MOV10L1: variants seen among roughly 807,000 people sequenced by gnomAD.
MOV10L1 encodes the protein Mov10 like RNA helicase 1.
In MOV10L1, 110 loss-of-function variants were observed where a neutral mutation model predicts 143.8. The ratio of observed to expected loss-of-function variants is 0.76; its 90% CI spans 0.66 to 0.90. MOV10L1 has a LOEUF of 0.90. MOV10L1 is among the 40% of genes least tolerant of loss of function. The probability of loss-of-function intolerance (pLI) is 0.00; values close to 1 mark genes in which losing one functional copy is unlikely to be tolerated. For missense variants in MOV10L1, 1,406 were observed against 1,526.8 expected, an observed-to-expected ratio of 0.92 and a Z score of 1.32; for synonymous variants, 593 against 581.1, an observed-to-expected ratio of 1.02 and a Z score of -0.29.
intron 19 of MOV10L1, chr22:50,147,243 G>GCCCCACAGGGTTAGTTGGCCA (rs2063179463): frequency 1.6e-6 from 1 of 610,592 alleles, no homozygotes; most frequent in Non-Finnish European, 2.9e-6. Context: ...TCTCTCAGAG[G>GCCCCACAGGGTTAGTTGGCCA]CGCTCTGTGC....
rs2062113689 is a variant in MOV10L1, at chr22:50,114,516, G to GC, written c.1020_1021insC (p.Glu341ArgfsTer6). ...TATCTTTTGTTTCTGTTCCTGAGAA[G>GC]GAGAATTCATCAGATGAAAATATTA... On this transcript the variant is annotated frameshift_variant, in exon 7 of 27. Transcript: ENST00000262794. LOFTEE classifies it high-confidence loss of function. The GC allele has an allele frequency of 1.2e-6, 2 of 1,614,014 alleles. No homozygotes were observed. Among genetic ancestry groups the GC allele is most frequent in the South Asian group, 2.2e-5 (2 of 91,092 alleles).
chr22:50,120,194 A>G (rs2062299831), intron 9 of MOV10L1, among the ~76,000 whole-genome samples: 1 of 152,204 alleles, frequency 6.6e-6, no homozygotes, highest in Non-Finnish European at 1.5e-5. Flanking sequence ...TGTTAAAAAC[A>G]GCTGTTTCCA....
intron 18 of MOV10L1, among the ~76,000 whole-genome samples, chr22:50,145,400 C>T (rs1471482504): frequency 2.0e-5 from 3 of 152,070 alleles, no homozygotes; most frequent in East Asian, 1.9e-4. Flanking sequence ...CCAGCCTGGG[C>T]GACAGAGCAA....
intron 22 of MOV10L1, 94 bp downstream of exon 22, chr22:50,153,312 G>A: frequency 7.2e-7 from 1 of 1,395,760 alleles, no homozygotes; most frequent in Non-Finnish European, 9.8e-7. Flanking sequence ...TCACCTGCCT[G>A]TGGCGGGGCA....
At position 50,090,124 on chromosome 22, in the gene MOV10L1, C is replaced by T. The variant is rs758258119; in HGVS notation, c.36C>T (p.Phe12=). ...LSLAAKLVAF[F]WRTADTPREE... ...TCGCAGCCAAGCTGGTGGCCTTCTT[C>T]TGGAGGACGGCGGACACCCCTAGGG... is the stretch of plus-strand genomic sequence containing the variant. Residue 12 remains phenylalanine, a synonymous_variant, in exon 1 of 27, where the codon TTC becomes TTT. Coordinates refer to ENST00000262794, the MANE Select transcript of MOV10L1 (RefSeq NM_018995.3). 22 of 1,373,958 alleles carry T rather than the reference C, an allele frequency of 1.6e-5. No homozygotes were observed. Among genetic ancestry groups the T allele is most frequent in the Non-Finnish European group, 1.9e-5 (20 of 1,064,200 alleles). The allele number at this position is 1,373,958 out of a possible 1,614,324, so 85.1% of individuals were successfully genotyped here.
Position 50,161,378 on chromosome 22 carries a change from G to A in MOV10L1, c.3565G>A (p.Gly1189Arg), listed in dbSNP as rs1323478542. 4 of 1,598,368 alleles carry A rather than the reference G, an allele frequency of 2.5e-6. No individual in the cohort carries two copies. The highest frequency in any genetic ancestry group is 3.4e-6 in the Non-Finnish European group (4 of 1,172,772). ...ALQSLQNCGE[G>R]VADPSYPVVP... ...CTCCTCTGTCTACAGCTGTGGCGAGGGGGTGGCAGACCCCTCCTACCCAGT... is the reference window on the plus strand; with the variant it reads ...CTCCTCTGTCTACAGCTGTGGCGAGAGGGTGGCAGACCCCTCCTACCCAGT... The change falls in exon 27 of 27, where the codon GGG (glycine) becomes AGG (arginine). Residue 1189 changes from glycine (G) to arginine (R), a missense_variant. Physicochemically the swap from Gly to Arg is moderately radical, Grantham distance 125 (BLOSUM62 -2). Coordinates refer to ENST00000262794, the MANE Select transcript of MOV10L1 (RefSeq NM_018995.3).
In MOV10L1 at chr22:50,151,033, A is replaced by G. The variant is rs1370176192; in HGVS notation, c.2892+134A>G. On this transcript the variant is annotated intron_variant, in intron 21 of 26. Transcript: ENST00000262794. The stretch of plus-strand genomic sequence containing the variant: ...CAGAGTGCAGGGGAGCACCCACCAT[A>G]GCACCTCCCCCGTCAGCAGAAACTG... The G allele has an allele frequency of 3.6e-6, 4 of 1,099,792 alleles. No individual in the cohort carries two copies. In the Admixed American group the frequency reaches 9.0e-5, roughly 25 times the overall value. 68.1% of individuals were successfully genotyped at this position (1,099,792 alleles called of 1,614,324 possible).
Position 50,128,635 on chromosome 22 carries a change from C to G in MOV10L1, c.1910+128C>G, listed in dbSNP as rs6010140. ...TCTCGGCTCACTGCAACCTCCGCCT[C>G]CCAGGTTCAAGCGATTCTCCTGCCT... On this transcript the variant is annotated intron_variant, in intron 13 of 26. Coordinates refer to ENST00000262794, the MANE Select transcript of MOV10L1 (RefSeq NM_018995.3). 98 of 589,518 alleles carry G rather than the reference C, an allele frequency of 1.7e-4. No homozygotes were observed. In the African/African-American group the frequency reaches 1.8e-3, roughly 11 times the overall value. The allele number at this position is 589,518 out of a possible 1,614,324, so 36.5% of individuals were successfully genotyped here.
chr22:50,137,856 A>T (rs1291598445), intron 15 of MOV10L1, among the ~76,000 whole-genome samples: 1 of 147,232 alleles, frequency 6.8e-6, no homozygotes, highest in Non-Finnish European at 1.5e-5. Flanking sequence ...ATAAATATAC[A>T]TATTTTTATA....
intron 6 of MOV10L1, 62 bp downstream of exon 6, chr22:50,113,850 A>AATAAT (rs1222863305): frequency 2.9e-6 from 4 of 1,361,904 alleles, no homozygotes; most frequent in Non-Finnish European, 3.8e-6. Flanking sequence ...ACTATGACTC[A>AATAAT]ATAATTTCTG....
At chr22:50,117,502 T>C in intron 9 of MOV10L1, 151 bp downstream of exon 9, 2 of 808,542 alleles carry the variant, frequency 2.5e-6, no homozygotes, top group Non-Finnish European at 3.8e-6. Context: ...ATGATTGTAT[T>C]TGGGGGATGG....
At chr22:50,134,917 A>T (rs1046756793) in intron 15 of MOV10L1, among the ~76,000 whole-genome samples, 5 of 152,266 alleles carry the variant, frequency 3.3e-5, no homozygotes, top group Admixed American at 6.5e-5. Flanking sequence ...AAGGGCTAAG[A>T]TGCAGGGCTA....
chr22:50,092,118 A>C lies in MOV10L1; in HGVS notation c.215A>C (p.Asn72Thr). The change falls in exon 2 of 27, where the codon AAT (asparagine) becomes ACT (threonine). Residue 72 changes from asparagine to threonine, a missense_variant. By Grantham distance (65) the Asn-to-Thr change is moderately conservative. Transcript: ENST00000262794. ...GCTGTGACTAGCAGAGTGCTTCTGAATGTTGGACAGGAAGTGATTGCAGTT... is the reference window on the plus strand; with the variant it reads ...GCTGTGACTAGCAGAGTGCTTCTGACTGTTGGACAGGAAGTGATTGCAGTT... ...SDAVTSRVLLNVGQEVIAVVE... is the reference protein window; with the variant it reads ...SDAVTSRVLLTVGQEVIAVVE... 1 of 1,614,216 alleles carries C rather than the reference A, an allele frequency of 6.2e-7. No individual in the cohort carries two copies. Among genetic ancestry groups the C allele is most frequent in the Middle Eastern group, 1.6e-4 (1 of 6,062 alleles).
intron 15 of MOV10L1, among the ~76,000 whole-genome samples, chr22:50,141,513 T>C (rs1375696106): frequency 3.4e-5 from 5 of 148,732 alleles, no homozygotes; most frequent in Middle Eastern, 3.4e-3. Context: ...TTTTTTTTTG[T>C]ATTTTTGCTA....
At chr22:50,101,943 A>C (rs1413726882) in intron 3 of MOV10L1, among the ~76,000 whole-genome samples, 2 of 152,218 alleles carry the variant, frequency 1.3e-5, no homozygotes, top group Non-Finnish European at 2.9e-5. Flanking sequence ...GAGGCCCCTC[A>C]ACCCTGCTAA....
intron 17 of MOV10L1, 22 bp downstream of exon 17, chr22:50,143,243 G>T (rs1288059636): frequency 1.9e-6 from 3 of 1,611,970 alleles, no homozygotes; most frequent in Non-Finnish European, 2.5e-6. Context: ...GGCGCCGCGG[G>T]TGCTGTGGCT....
chr22:50,137,843 T>TATATAAATATACATATTTTATATATATAC (rs2062873516), intron 15 of MOV10L1, among the ~76,000 whole-genome samples: 13 of 133,392 alleles, frequency 9.7e-5, no homozygotes, highest in Non-Finnish European at 1.7e-4. Flanking sequence ...TATATATACA[T>TATATAAATATACATATTTTATATATATAC]ATATAAATAT....
At chr22:50,131,093 T>C (rs1421040531) in intron 13 of MOV10L1, among the ~76,000 whole-genome samples, 1 of 146,820 alleles carries the variant, frequency 6.8e-6, no homozygotes, top group Non-Finnish European at 1.5e-5. Flanking sequence ...GTATTTTTAG[T>C]GAGACGGGGT....
At chr22:50,127,932 C>T (rs2062558715) in intron 12 of MOV10L1, among the ~76,000 whole-genome samples, 5 of 152,122 alleles carry the variant, frequency 3.3e-5, no homozygotes, top group Non-Finnish European at 7.4e-5. Flanking sequence ...AGCACCACGC[C>T]TGGGTCCTTT....
Sources: allele counts gnomAD v4.1 joint callset (sites outside exome capture counted in the v4.1 genomes callset), GRCh38; gene constraint gnomAD v4.1.1; transcripts MANE v1.5; gene names NCBI Gene and HGNC (gene_info 2026-07-23, HGNC 2026-07-21).